The following MARCHF1 variants were observed in gnomAD, a reference collection of about 807,000 sequenced individuals.
The protein encoded by MARCHF1 is E3 ubiquitin-protein ligase MARCHF1.
In MARCHF1, 40 loss-of-function variants were observed where a neutral mutation model predicts 54.2. The ratio of observed to expected loss-of-function variants is 0.74; its 90% CI spans 0.57 to 0.96. The LOEUF is 0.96. Among genes scored for constraint, MARCHF1 ranks in the 40% least tolerant of loss-of-function variants. The pLI, the probability that MARCHF1 is intolerant of heterozygous loss-of-function variation, is 0.00. For synonymous variants in MARCHF1, 236 were observed against 236.3 expected, an observed-to-expected ratio of 1.00 and a Z score of 0.01; for missense variants, 586 against 656.5, an observed-to-expected ratio of 0.89 and a Z score of 1.17.
At chr4:164,101,725 C>T (rs140141738) in intron 2 of MARCHF1, among the ~76,000 whole-genome samples, 80,073 of 121,410 alleles carry the variant, frequency 0.66, 28,408 homozygotes, top group Non-Finnish European at 0.8. Context: ...TCCAAAGGAA[C>T]GCAGTTCCTC....
chr4:164,126,210 G>A (rs79477896), intron 1 of MARCHF1, among the ~76,000 whole-genome samples: 1 of 152,132 alleles, frequency 6.6e-6, no homozygotes, highest in Non-Finnish European at 1.5e-5. Flanking sequence ...CATTTAGGAG[G>A]TTATTGGATC....
intron 2 of MARCHF1, among the ~76,000 whole-genome samples, chr4:164,108,108 G>A (rs1247825328): frequency 1.3e-5 from 2 of 151,716 alleles, no homozygotes; most frequent in Non-Finnish European, 2.9e-5. Flanking sequence ...TCATTGAACT[G>A]TCTTTTGTGA....
At chr4:163,805,325 A>C (rs1480242915) in intron 4 of MARCHF1, among the ~76,000 whole-genome samples, 1 of 151,984 alleles carries the variant, frequency 6.6e-6, no homozygotes, top group Non-Finnish European at 1.5e-5. Context: ...TCAGAAATGG[A>C]TGTGTTTGGA....
chr4:164,200,317 T>C (rs1357028769), intron 1 of MARCHF1, among the ~76,000 whole-genome samples: 2 of 152,170 alleles, frequency 1.3e-5, no homozygotes, highest in East Asian at 3.8e-4. Context: ...AGAAGAAAAA[T>C]CAAGGATGGC....
At chr4:164,254,421 T>C (rs1262964073) in intron 1 of MARCHF1, among the ~76,000 whole-genome samples, 1 of 149,244 alleles carries the variant, frequency 6.7e-6, no homozygotes, top group Non-Finnish European at 1.5e-5. Flanking sequence ...TAAACTCCTA[T>C]ATATATGTAT....
At chr4:164,008,927 A>G (rs1192328574) in intron 2 of MARCHF1, among the ~76,000 whole-genome samples, 1 of 152,020 alleles carries the variant, frequency 6.6e-6, no homozygotes, top group Non-Finnish European at 1.5e-5. Context: ...GGAATAAAAA[A>G]CCCAATTAGT....
chr4:164,367,502 T>C (rs1043174403), intron 1 of MARCHF1, among the ~76,000 whole-genome samples: 1 of 152,024 alleles, frequency 6.6e-6, no homozygotes, highest in Non-Finnish European at 1.5e-5. Context: ...AGTTAAAAAG[T>C]TATTCCTAGA....
In MARCHF1 at chr4:164,018,242, AT is replaced by A. The variant is rs200117110; in HGVS notation, c.-247-29534del. 7.8e-3 allele frequency among the ~76,000 whole-genome samples: 1,179 copies of A among 151,278 alleles called. 20 individuals carry two copies. Among genetic ancestry groups the A allele is most frequent in the African/African-American group, 0.027 (1,114 of 41,352 alleles). ...AGGATAAATTTTTTTGGCTAAGTAA[AT>A]TTTTTTTTGCTAAAAGAAATTCAGA... On this transcript the variant is annotated intron_variant, in intron 2 of 9. Coordinates refer to ENST00000514618, the MANE Select transcript of MARCHF1 (RefSeq NM_001394959.1).
intron 2 of MARCHF1, among the ~76,000 whole-genome samples, chr4:164,109,359 C>T (rs1195714075): frequency 2.6e-5 from 4 of 151,236 alleles, no homozygotes; most frequent in Non-Finnish European, 5.9e-5. Context: ...TGCTTAAAAA[C>T]TCTCACAGCT....
intron 1 of MARCHF1, among the ~76,000 whole-genome samples, chr4:164,228,596 CTT>C (rs1426234831): frequency 6.6e-6 from 1 of 152,060 alleles, no homozygotes; most frequent in Non-Finnish European, 1.5e-5. Context: ...GGATATTTGA[CTT>C]TTTAAAATTT....
At chr4:164,136,051 C>T (rs1230284373) in intron 1 of MARCHF1, among the ~76,000 whole-genome samples, 2 of 151,738 alleles carry the variant, frequency 1.3e-5, no homozygotes, top group Non-Finnish European at 1.5e-5. Context: ...CAGTTATACA[C>T]ATATTTTTTT....
At chr4:164,151,287 T>G (rs982540976) in intron 1 of MARCHF1, among the ~76,000 whole-genome samples, 1 of 152,184 alleles carries the variant, frequency 6.6e-6, no homozygotes, top group African/African-American at 2.4e-5. Context: ...CTCCTCTATT[T>G]GAATTTTGAA....
At chr4:163,534,509 G>A (rs557924515) in intron 9 of MARCHF1, among the ~76,000 whole-genome samples, 5 of 152,014 alleles carry the variant, frequency 3.3e-5, no homozygotes, top group African/African-American at 1.2e-4. Flanking sequence ...TACCCAAGTC[G>A]CTATTTAAAA....
chr4:163,557,381 C>T (rs1579060745), intron 8 of MARCHF1, among the ~76,000 whole-genome samples: 1 of 152,178 alleles, frequency 6.6e-6, no homozygotes, highest in African/African-American at 2.4e-5. Context: ...AATTAGACAG[C>T]AGTTGGTTTG....
chr4:164,053,415 T>C (rs756914245), intron 2 of MARCHF1, among the ~76,000 whole-genome samples: 7 of 152,130 alleles, frequency 4.6e-5, no homozygotes, highest in East Asian at 1.9e-4. Context: ...TGTTTAAACA[T>C]AGAAAAAGCC....
chr4:164,234,308 T>C (rs999210446), intron 1 of MARCHF1, among the ~76,000 whole-genome samples: 2 of 152,164 alleles, frequency 1.3e-5, no homozygotes, highest in African/African-American at 4.8e-5. Context: ...TGCTGAATAA[T>C]TACTATACAA....
chr4:164,356,780 C>CAAAAAAAAAAAAAAAAAGCA lies in MARCHF1; in HGVS notation c.-323+27089_-323+27090insTGCTTTTTTTTTTTTTTTTT, dbSNP rs58855405. 1.6e-3 allele frequency among the ~76,000 whole-genome samples: 168 copies of CAAAAAAAAAAAAAAAAAGCA among 103,066 alleles called. 1 individual carries two copies. Among genetic ancestry groups the CAAAAAAAAAAAAAAAAAGCA allele is most frequent in the East Asian group, 6.1e-3 (14 of 2,288 alleles). 67.6% of individuals were successfully genotyped at this position (103,066 alleles called of 152,430 possible). On this transcript the variant is annotated intron_variant, in intron 1 of 9. Transcript: ENST00000514618. ...AAGTATAATAAAAAAAAAAGAAAAG[C>CAAAAAAAAAAAAAAAAAGCA]AAAAAAAAAAAAAATAGTATTGTTA...
intron 2 of MARCHF1, among the ~76,000 whole-genome samples, chr4:164,066,351 T>C (rs1754729807): frequency 6.6e-6 from 1 of 152,158 alleles, no homozygotes; most frequent in Non-Finnish European, 1.5e-5. Context: ...GTGGTTACTA[T>C]TAAAAAGTCA....
Position 164,024,942 on chromosome 4 carries a change from T to C in MARCHF1, c.-247-36233A>G, listed in dbSNP as rs538615835. On this transcript the variant is annotated intron_variant, in intron 2 of 9. Coordinates refer to ENST00000514618, the MANE Select transcript of MARCHF1 (RefSeq NM_001394959.1). ...AGAACAGCAGGAGTCACTATTCTTA[T>C]ATCGGATAGAATATATTTTAAACCA... Among the ~76,000 whole-genome samples the C allele has an allele frequency of 3.3e-5, 5 of 152,174 alleles. No homozygotes were observed. In the East Asian group the frequency reaches 5.8e-4, roughly 18 times the overall value.
Sources: allele counts gnomAD v4.1 joint callset (sites outside exome capture counted in the v4.1 genomes callset), GRCh38; gene constraint gnomAD v4.1.1; transcripts MANE v1.5; gene names NCBI Gene and HGNC (gene_info 2026-07-23, HGNC 2026-07-21).